Variants in ETFDH observed in about 807,000 individuals in gnomAD.
ETFDH encodes electron transfer flavoprotein-ubiquinone oxidoreductase, mitochondrial.
Under a neutral mutation model 73.2 loss-of-function variants are expected in ETFDH, and 61 were observed. That is an observed-to-expected ratio of 0.83 (90% confidence interval 0.68 to 1.03). The LOEUF (loss-of-function observed/expected upper bound fraction) is 1.03, where lower values mean the gene tolerates loss of function less well. Among genes scored for constraint, ETFDH ranks in the 50% least tolerant of loss-of-function variants. ETFDH has a pLI of 0.00. For synonymous variants in ETFDH, 243 were observed against 253.3 expected, an observed-to-expected ratio of 0.96 and a Z score of 0.39; for missense variants, 685 against 745.0, an observed-to-expected ratio of 0.92 and a Z score of 0.94.
intron 5 of ETFDH, among the ~76,000 whole-genome samples, chr4:158,688,966 C>G (rs1272374097): frequency 6.6e-6 from 1 of 151,980 alleles, no homozygotes. Flanking sequence ...AAACACCTAC[C>G]CAAATTCCCA....
chr4:158,702,638 A>G (rs895641944), intron 9 of ETFDH, among the ~76,000 whole-genome samples: 1 of 152,186 alleles, frequency 6.6e-6, no homozygotes, highest in Non-Finnish European at 1.5e-5. Context: ...ACAGATGACA[A>G]TATTTCATTT....
chr4:158,685,261 T>C (rs1354996664), intron 5 of ETFDH, 42 bp downstream of exon 5: 1 of 1,044,430 alleles, frequency 9.6e-7, no homozygotes, highest in Admixed American at 1.7e-5. Flanking sequence ...ATAGGAACTC[T>C]CTTTTTTTAA....
intron 6 of ETFDH, among the ~76,000 whole-genome samples, chr4:158,693,226 C>T (rs1160944713): frequency 6.6e-6 from 1 of 152,188 alleles, no homozygotes; most frequent in East Asian, 1.9e-4. Flanking sequence ...CCTTACTTGA[C>T]CTTCTAGTGG....
At chr4:158,691,996 T>C (rs1359305518) in intron 6 of ETFDH, among the ~76,000 whole-genome samples, 5 of 152,340 alleles carry the variant, frequency 3.3e-5, no homozygotes, top group African/African-American at 7.2e-5. Context: ...TCAGTAAATA[T>C]GTGTCAACTG....
intron 10 of ETFDH, 95 bp from the exon 11 acceptor site, chr4:158,706,094 C>T: frequency 2.3e-6 from 2 of 880,148 alleles, no homozygotes; most frequent in South Asian, 1.4e-5. Flanking sequence ...AAAAGAAAAA[C>T]TTCACTCATC....
At chr4:158,695,457 A>G in intron 6 of ETFDH, 40 bp from the exon 7 acceptor site, 1 of 1,568,756 alleles carries the variant, frequency 6.4e-7, no homozygotes, top group Non-Finnish European at 8.8e-7. Context: ...TGTATTTTAA[A>G]TTGTCAAATG....
chr4:158,672,387 T>C lies in ETFDH; in HGVS notation c.-70T>C. On this transcript the variant is annotated 5_prime_UTR_variant, in exon 1 of 13. Coordinates refer to ENST00000511912, the MANE Select transcript of ETFDH (RefSeq NM_004453.4). The stretch of plus-strand genomic sequence containing the variant: ...GATGGCGCCCCCCGCGGCCTAGAGG[T>C]CCAGCGCCCGCCGCGAGCAGCGGAC... 1.9e-6 allele frequency: 3 copies of C among 1,562,488 alleles called. No homozygotes were observed. The East Asian group carries it at 6.7e-5, about 35-fold the overall frequency.
chr4:158,700,586 A>C (rs1364439877), intron 9 of ETFDH: 1 of 151,204 alleles, frequency 6.6e-6, no homozygotes, highest in African/African-American at 2.4e-5. Flanking sequence ...ACACACACAC[A>C]CACACACACA....
chr4:158,708,396 G>A lies in ETFDH; in HGVS notation c.1723G>A (p.Asp575Asn), dbSNP rs1463460516. Residue 575 changes from aspartate (D) to asparagine (N), a missense_variant, in exon 13 of 13, where the codon GAT becomes AAT. Physicochemically the swap from Asp to Asn is conservative, Grantham distance 23. Around this residue, in one of 3 missense-constraint regions of ETFDH, gnomAD observed 201 missense variants for 225.2 expected, o/e 0.89. Transcript: ENST00000511912. ...VYEFVPVEQG[D>N]GFRLQINAQN... ...TGAATTTGTACCTGTGGAACAAGGT[G>A]ATGGATTTCGGTTACAGATAAATGC... is the stretch of plus-strand genomic sequence containing the variant. 2 of 1,612,400 alleles carry A rather than the reference G, an allele frequency of 1.2e-6. No homozygotes were observed. The highest frequency in any genetic ancestry group is 1.1e-5 in the South Asian group (1 of 91,042).
intron 1 of ETFDH, among the ~76,000 whole-genome samples, chr4:158,673,134 T>C (rs373220888): frequency 2.0e-5 from 3 of 152,136 alleles, no homozygotes; most frequent in South Asian, 4.1e-4. Context: ...TGAAACCCCA[T>C]CTCTACTAAA....
At chr4:158,699,151 T>C (rs749544708) in intron 9 of ETFDH, 21 bp downstream of exon 9, 1 of 1,595,688 alleles carries the variant, frequency 6.3e-7, no homozygotes, top group Non-Finnish European at 8.6e-7. Context: ...CAACTTTTAT[T>C]TTCCTTGTTT....
intron 4 of ETFDH, 137 bp from the exon 5 acceptor site, chr4:158,684,964 A>T (rs1186107683): frequency 3.1e-6 from 2 of 652,676 alleles, no homozygotes; most frequent in African/African-American, 3.7e-5. Context: ...AAAATTGTAG[A>T]AAATAAGTTG....
At chr4:158,679,343 G>C (rs1233324163) in intron 1 of ETFDH, 1 of 152,050 alleles carries the variant, frequency 6.6e-6, no homozygotes, top group Non-Finnish European at 1.5e-5. Flanking sequence ...TTGAAGCTCA[G>C]AAGGGATGGT....
intron 10 of ETFDH, among the ~76,000 whole-genome samples, chr4:158,704,208 T>TA (rs1280093656): frequency 6.6e-6 from 1 of 152,212 alleles, no homozygotes; most frequent in African/African-American, 2.4e-5. Flanking sequence ...ACAATTAAGA[T>TA]ACCTCCCAAA....
rs761363220 is a variant in ETFDH, at chr4:158,706,326, T to C, written c.1423T>C (p.Tyr475His). Residue 475 changes from tyrosine (Y) to histidine (H), a missense_variant, in exon 11 of 13, where the codon TAC becomes CAC. Physicochemically the swap from Tyr to His is moderately conservative, Grantham distance 83. Around this residue, in one of 3 missense-constraint regions of ETFDH, gnomAD observed 201 missense variants for 225.2 expected, o/e 0.89. Coordinates refer to ENST00000511912, the MANE Select transcript of ETFDH (RefSeq NM_004453.4). ...AGGGATGATTTACACTGGAATCTTT[T>C]ACTGGATATTGAGAGGAATGGAGCC... ...YGGMIYTGIFYWILRGMEPWT... is the reference protein window; with the variant it reads ...YGGMIYTGIFHWILRGMEPWT... 2 of 1,613,722 alleles carry C rather than the reference T, an allele frequency of 1.2e-6. No individual in the cohort carries two copies. The highest frequency in any genetic ancestry group is 1.7e-6 in the Non-Finnish European group (2 of 1,179,622).
intron 2 of ETFDH, 123 bp from the exon 3 acceptor site, chr4:158,682,072 G>A (rs1393403174): frequency 8.3e-6 from 11 of 1,328,300 alleles, no homozygotes; most frequent in South Asian, 1.2e-5. Flanking sequence ...TAATTATTGT[G>A]CAAAACACAG....
chr4:158,681,325 A>G (rs1773854234), intron 2 of ETFDH, among the ~76,000 whole-genome samples: 2 of 152,188 alleles, frequency 1.3e-5, no homozygotes. Flanking sequence ...TTATAGAAAA[A>G]TGATATAAAA....
Position 158,692,399 on chromosome 4 carries a change from CAAAAAAAAAAA to C in ETFDH, c.684+1989_684+1999del, listed in dbSNP as rs35615738. ...TGGGCTACAGAGCGAGACACCGTCT[CAAAAAAAAAAA>C]AAAAAAAAAAAAAAGCAAATGGCAA... On this transcript the variant is annotated intron_variant, in intron 6 of 12. Transcript: ENST00000511912. 9.8e-5 allele frequency among the ~76,000 whole-genome samples: 9 copies of C among 91,428 alleles called. 1 individual carries two copies. Among genetic ancestry groups the C allele is most frequent in the Non-Finnish European group, 1.9e-4 (9 of 47,658 alleles). 60.0% of individuals were successfully genotyped at this position (91,428 alleles called of 152,430 possible). A position where few individuals can be genotyped will look rare whatever the true frequency, so the allele number is the denominator to read the frequency against.
Position 158,695,557 on chromosome 4 carries a change from C to T in ETFDH, c.745C>T (p.His249Tyr), listed in dbSNP as rs1473170312. The change falls in exon 7 of 13, where the codon CAT becomes TAT. Residue 249 changes from histidine (H) to tyrosine (Y), a missense_variant. By Grantham distance (83) the His-to-Tyr change is moderately conservative. Transcript: ENST00000511912. Reference protein sequence around the residue: ...AKVTIFAEGCHGHLAKQLYKK... With the variant: ...AKVTIFAEGCYGHLAKQLYKK... ...AGTCACAATTTTTGCAGAAGGTTGC[C>T]ATGGACATCTAGCCAAGCAACTATA... The T allele has an allele frequency of 6.2e-7, 1 of 1,611,934 alleles. No individual in the cohort carries two copies. Among genetic ancestry groups the T allele is most frequent in the Non-Finnish European group, 8.5e-7 (1 of 1,178,334 alleles).
Sources: allele counts gnomAD v4.1 joint callset (sites outside exome capture counted in the v4.1 genomes callset), GRCh38; gene constraint gnomAD v4.1.1; regional missense constraint gnomAD v4.1.1; transcripts MANE v1.5; gene names NCBI Gene and HGNC (gene_info 2026-07-23, HGNC 2026-07-21).